PCDHA11: variants seen among roughly 807,000 people sequenced by gnomAD.
The protein encoded by PCDHA11 is protocadherin alpha-11.
In PCDHA11, 61 loss-of-function variants were observed where a neutral mutation model predicts 70.3. That is an observed-to-expected ratio of 0.87 (90% CI 0.71 to 1.07). The LOEUF is 1.07. Ranked by LOEUF, PCDHA11 falls within the 50% of genes least tolerant of loss-of-function variation. The pLI, the probability that PCDHA11 is intolerant of heterozygous loss-of-function variation, is 0.00. For missense variants in PCDHA11, 1,324 were observed against 1,237.5 expected (o/e 1.07, Z -1.05); for synonymous variants, 633 against 555.1 (o/e 1.14, Z -1.97).
At chr5:141,000,361 GTC>G (rs148596731) in intron 3 of PCDHA11, among the ~76,000 whole-genome samples, 577 of 26,370 alleles carry the variant, frequency 0.022, 17 homozygotes, top group Admixed American at 0.027. Context: ...GTCTCTCTCT[GTC>G]TCTCTCTCTC....
chr5:140,887,196 A>T (rs180902279), intron 1 of PCDHA11, among the ~76,000 whole-genome samples: 49 of 151,316 alleles, frequency 3.2e-4, no homozygotes, highest in African/African-American at 1.1e-3. Context: ...TCCCGGGTTC[A>T]CGCCATTCTC....
intron 3 of PCDHA11, among the ~76,000 whole-genome samples, chr5:140,995,275 A>G (rs1383239362): frequency 6.6e-6 from 1 of 152,146 alleles, no homozygotes; most frequent in African/African-American, 2.4e-5. Context: ...GCCCTTTGAT[A>G]CCAAAACAGC....
chr5:140,976,841 A>G lies in PCDHA11; in HGVS notation c.2392-2108A>G, dbSNP rs145977857. Among the ~76,000 whole-genome samples the G allele has an allele frequency of 1.2e-3, 190 of 152,338 alleles. 1 individual carries two copies. Among genetic ancestry groups the G allele is most frequent in the African/African-American group, 4.3e-3 (178 of 41,578 alleles). ...GTGTCTAATGAGCAAAACAGATATA[A>G]TCCCTTTCATAGAGTTTACTGTCTG... On this transcript the variant is annotated intron_variant, in intron 1 of 3. Coordinates refer to ENST00000398640, the MANE Select transcript of PCDHA11 (RefSeq NM_018902.5).
intron 3 of PCDHA11, among the ~76,000 whole-genome samples, chr5:140,985,179 C>T (rs1056430017): frequency 5.9e-5 from 9 of 152,132 alleles, no homozygotes; most frequent in African/African-American, 1.9e-4. Flanking sequence ...CCTCGTAATC[C>T]GCCTGCCTCG....
intron 1 of PCDHA11, among the ~76,000 whole-genome samples, chr5:140,953,511 G>A (rs1243901831): frequency 1.3e-5 from 2 of 152,114 alleles, no homozygotes; most frequent in Non-Finnish European, 2.9e-5. Flanking sequence ...TTAGGCCAAA[G>A]CAACAAAAAC....
At chr5:140,917,339 A>T (rs1199530347) in intron 1 of PCDHA11, among the ~76,000 whole-genome samples, 36 of 112,892 alleles carry the variant, frequency 3.2e-4, no homozygotes, top group East Asian at 2.4e-3. Context: ...GAGGGGGGGG[A>T]TGGTGTAGGC....
rs2098423512 is a variant in PCDHA11 at position 141,012,298 on chromosome 5, T to A, written c.*2361T>A. On this transcript the variant is annotated 3_prime_UTR_variant, in exon 4 of 4. Transcript: ENST00000398640. ...ATGTGGATTCATTTTGAATTGGTGC[T>A]ATTGGTATTTCCTCTGTTATTGCTA... is the stretch of plus-strand genomic sequence containing the variant. The A allele has an allele frequency of 6.5e-6, 1 of 153,804 alleles. No individual in the cohort carries two copies. Among genetic ancestry groups the A allele is most frequent in the Non-Finnish European group, 1.5e-5 (1 of 68,048 alleles). 9.5% of individuals were successfully genotyped at this position (153,804 alleles called of 1,614,324 possible). A position where few individuals can be genotyped will look rare whatever the true frequency, so the allele number is the denominator to read the frequency against.
chr5:140,932,474 A>G (rs1444534569), intron 1 of PCDHA11, among the ~76,000 whole-genome samples: 1 of 151,904 alleles, frequency 6.6e-6, no homozygotes, highest in African/African-American at 2.4e-5. Context: ...AGGAAATAGG[A>G]TATCTCCTCT....
rs1262836505 is a variant in PCDHA11 at position 141,012,081 on chromosome 5, T to C, written c.*2144T>C. The C allele has an allele frequency of 6.5e-6, 1 of 153,748 alleles. No individual in the cohort carries two copies. Among genetic ancestry groups the C allele is most frequent in the Non-Finnish European group, 1.5e-5 (1 of 68,042 alleles). 9.5% of individuals were successfully genotyped at this position (153,748 alleles called of 1,614,324 possible). On this transcript the variant is annotated 3_prime_UTR_variant, in exon 4 of 4. Transcript: ENST00000398640. Reference sequence around the variant, plus strand: ...CAACACATGTGAACCATTGCTACATTGTAGGTTGTGATCATTTTGCCCCAC... The same window carrying C: ...CAACACATGTGAACCATTGCTACATCGTAGGTTGTGATCATTTTGCCCCAC...
chr5:141,010,073 T>C lies in PCDHA11; in HGVS notation c.*136T>C. On this transcript the variant is annotated 3_prime_UTR_variant, in exon 4 of 4. Coordinates refer to ENST00000398640, the MANE Select transcript of PCDHA11 (RefSeq NM_018902.5). ...CCTCAGAAATCTGCAGAAAGTTCCC[T>C]GTGTCTGTCTAGAACGCATTTAACA... 6.2e-7 allele frequency: 1 copy of C among 1,606,602 alleles called. No individual in the cohort carries two copies. The highest frequency in any genetic ancestry group is 1.7e-5 in the Admixed American group (1 of 59,096).
chr5:140,899,664 G>T (rs1263525075), intron 1 of PCDHA11, among the ~76,000 whole-genome samples: 17 of 152,124 alleles, frequency 1.1e-4, no homozygotes, highest in Admixed American at 1.0e-3. Flanking sequence ...GTCTCTGCCC[G>T]GCTTTGGTAT....
chr5:140,875,356 G>C (rs2055432006), intron 1 of PCDHA11: 5 of 1,446,352 alleles, frequency 3.5e-6, no homozygotes, highest in Admixed American at 5.7e-5. Context: ...TGACTGTGAT[G>C]CTGGAAAAAA....
At chr5:140,876,154 A>T (rs781957040) in intron 1 of PCDHA11, 4 of 1,613,972 alleles carry the variant, frequency 2.5e-6, no homozygotes, top group Non-Finnish European at 2.5e-6. Context: ...GTCTGTCCAG[A>T]TTCAAATAAC....
intron 3 of PCDHA11, among the ~76,000 whole-genome samples, chr5:140,989,551 C>T (rs964653534): frequency 2.0e-5 from 3 of 152,178 alleles, no homozygotes; most frequent in African/African-American, 4.8e-5. Flanking sequence ...AATTCCTTTA[C>T]GTTTTGTGGC....
At chr5:140,913,160 G>T (rs1437493261) in intron 1 of PCDHA11, among the ~76,000 whole-genome samples, 4 of 152,156 alleles carry the variant, frequency 2.6e-5, no homozygotes, top group African/African-American at 9.7e-5. Flanking sequence ...AGTAGGATTG[G>T]TATTAGTTCT....
At chr5:140,912,441 G>A (rs1460671133) in intron 1 of PCDHA11, among the ~76,000 whole-genome samples, 2 of 151,478 alleles carry the variant, frequency 1.3e-5, no homozygotes, top group Non-Finnish European at 2.9e-5. Flanking sequence ...GCTGATTTGT[G>A]TGCATTGATT....
intron 1 of PCDHA11, chr5:140,883,531 T>G: frequency 6.2e-7 from 1 of 1,614,210 alleles, no homozygotes; most frequent in Non-Finnish European, 8.5e-7. Flanking sequence ...TATCAGCCTA[T>G]GAACTGGTGG....
chr5:140,918,955 T>G lies in PCDHA11; in HGVS notation c.2391+47461T>G, dbSNP rs904506594. Among the ~76,000 whole-genome samples, 3 of 152,258 alleles carry G rather than the reference T, an allele frequency of 2.0e-5. 1 individual carries two copies. Among genetic ancestry groups the G allele is most frequent in the African/African-American group, 7.2e-5 (3 of 41,472 alleles). ...TTTTGTTATAATATCCTGAACAGAC[T>G]AAGACAGATATCGTTTAGGTTAGTT... On this transcript the variant is annotated intron_variant, in intron 1 of 3. Transcript: ENST00000398640.
chr5:141,010,265 G>A lies in PCDHA11; in HGVS notation c.*328G>A, dbSNP rs1554262846. ...GTTGGACTCTCTGCCCTGTGCTCCGGGGATCCTGTCTTGATGACACTTGCA... is the reference window on the plus strand; with the variant it reads ...GTTGGACTCTCTGCCCTGTGCTCCGAGGATCCTGTCTTGATGACACTTGCA... On this transcript the variant is annotated 3_prime_UTR_variant, in exon 4 of 4. Coordinates refer to ENST00000398640, the MANE Select transcript of PCDHA11 (RefSeq NM_018902.5). 6.4e-7 allele frequency: 1 copy of A among 1,551,726 alleles called. No homozygotes were observed. The highest frequency in any genetic ancestry group is 8.7e-7 in the Non-Finnish European group (1 of 1,147,006).
Sources: allele counts gnomAD v4.1 joint callset (sites outside exome capture counted in the v4.1 genomes callset), GRCh38; gene constraint gnomAD v4.1.1; transcripts MANE v1.5; gene names NCBI Gene and HGNC (gene_info 2026-07-23, HGNC 2026-07-21).